Variants in TMCO6 observed in about 807,000 individuals in gnomAD.
TMCO6 encodes the protein transmembrane and coiled-coil domains 6.
Under a neutral mutation model 61.8 loss-of-function variants are expected in TMCO6, and 47 were observed. The observed-to-expected ratio is 0.76, with a 90% CI of 0.60 to 0.97. TMCO6 has a LOEUF of 0.97. Ranked by LOEUF, TMCO6 falls within the 50% of genes least tolerant of loss-of-function variation. TMCO6 has a pLI of 0.00. For missense variants in TMCO6, 557 were observed against 601.6 expected (o/e 0.93, Z 0.78); for synonymous variants, 261 against 254.2 (o/e 1.03, Z -0.25).
chr5:140,644,934 A>G (rs1157594858), intron 11 of TMCO6, 51 bp from the exon 12 acceptor site: 2 of 1,583,864 alleles, frequency 1.3e-6, no homozygotes, highest in Non-Finnish European at 1.7e-6. Context: ...GTGGGAATTG[A>G]GTCTTAGGAC....
chr5:140,632,622 A>G, the TMCO6 span: 2 of 1,613,918 alleles, frequency 1.2e-6, no homozygotes, highest in Admixed American at 3.3e-5. The surrounding 1 kb of genome is among the most constrained non-coding windows in gnomAD (Gnocchi z 6.2). Flanking sequence ...CTCGAGCGTC[A>G]GTTCCTTGAG....
At chr5:140,599,895 A>G in the TMCO6 span, among the ~76,000 whole-genome samples, 1 of 151,924 alleles carries the variant, frequency 6.6e-6, no homozygotes, top group African/African-American at 2.4e-5. Flanking sequence ...GTGACAGAGC[A>G]AGGCTCCATC....
chr5:140,620,592 T>C, the TMCO6 span, among the ~76,000 whole-genome samples: 1 of 151,908 alleles, frequency 6.6e-6, no homozygotes, highest in Non-Finnish European at 1.5e-5. Context: ...CTGGTGGGGG[T>C]TGTCGATAAT....
intron 4 of TMCO6, 91 bp from the exon 5 acceptor site, chr5:140,642,224 C>T (rs945371828): frequency 5.0e-6 from 7 of 1,398,424 alleles, no homozygotes; most frequent in Non-Finnish European, 6.9e-6. Flanking sequence ...GATAGCTGCT[C>T]CAGCGTCCCC....
the TMCO6 span, among the ~76,000 whole-genome samples, chr5:140,611,407 G>A: frequency 3.3e-5 from 5 of 152,328 alleles, no homozygotes; most frequent in East Asian, 9.6e-4. Flanking sequence ...TTGTATGAGT[G>A]TGAAGTTTGG....
chr5:140,646,868 C>T (rs185838187), downstream of TMCO6, among the ~76,000 whole-genome samples: 42 of 152,238 alleles, frequency 2.8e-4, no homozygotes, highest in African/African-American at 8.7e-4. Context: ...ATGAGTTAGG[C>T]AGGGAAGCAC....
At chr5:140,631,860 G>A in the TMCO6 span, 9 of 1,550,266 alleles carry the variant, frequency 5.8e-6, no homozygotes, top group African/African-American at 8.2e-5. Context: ...TGGATCTTAG[G>A]CAAAGCCCCG....
chr5:140,643,201 CTCTTT>C (rs1410700931), intron 7 of TMCO6, among the ~76,000 whole-genome samples, 160 bp downstream of exon 7: 3 of 152,210 alleles, frequency 2.0e-5, no homozygotes, highest in Non-Finnish European at 1.5e-5. Context: ...TTAGCTGTTT[CTCTTT>C]TTTTTTGAGA....
At chr5:140,626,151 C>G in the TMCO6 span, among the ~76,000 whole-genome samples, 1 of 152,104 alleles carries the variant, frequency 6.6e-6, no homozygotes, top group East Asian at 1.9e-4. Context: ...CCAAACCTGT[C>G]CCCTAAGCTC....
chr5:140,596,791 T>G, the TMCO6 span, among the ~76,000 whole-genome samples: 1 of 151,906 alleles, frequency 6.6e-6, no homozygotes, highest in African/African-American at 2.4e-5. Flanking sequence ...GCAAGTGGAG[T>G]ATGTACAAAC....
At chr5:140,617,801 C>T in the TMCO6 span, among the ~76,000 whole-genome samples, 416 of 151,876 alleles carry the variant, frequency 2.7e-3, 1 homozygote, top group Middle Eastern at 0.014. Flanking sequence ...AATGAGATAC[C>T]TCCTCACACT....
At chr5:140,631,833 C>A in the TMCO6 span, 29 of 1,520,532 alleles carry the variant, frequency 1.9e-5, no homozygotes, top group Middle Eastern at 3.9e-3. Flanking sequence ...AGTTTGAGTC[C>A]ATTCATTATT....
chr5:140,639,772 T>C lies in TMCO6; in HGVS notation c.119T>C (p.Val40Ala), dbSNP rs1581457173. 6.2e-7 allele frequency: 1 copy of C among 1,606,052 alleles called. No individual in the cohort carries two copies. The highest frequency in any genetic ancestry group is 1.1e-5 in the South Asian group (1 of 89,074). The change falls in exon 2 of 12, where the codon GTC becomes GCC. Residue 40 changes from valine (V) to alanine (A), a missense_variant. Physicochemically the swap from Val to Ala is moderately conservative, Grantham distance 64. Coordinates refer to ENST00000394671, the MANE Select transcript of TMCO6 (RefSeq NM_018502.5). Reference sequence around the variant, plus strand: ...AAGGCGCGGAGGGAGCAGCAGCTGGTCAGCAAGAGGCTGCTGAGAAACGAC... The same window carrying C: ...AAGGCGCGGAGGGAGCAGCAGCTGGCCAGCAAGAGGCTGCTGAGAAACGAC... ...LRKARREQQL[V>A]SKRLLRNDAP...
the TMCO6 span, among the ~76,000 whole-genome samples, chr5:140,614,388 A>G: frequency 3.3e-5 from 5 of 151,834 alleles, no homozygotes; most frequent in Non-Finnish European, 5.9e-5. Flanking sequence ...CATGCCTGTA[A>G]TCCCAGCTAC....
chr5:140,607,401 C>T, the TMCO6 span, among the ~76,000 whole-genome samples: 1 of 152,102 alleles, frequency 6.6e-6, no homozygotes, highest in East Asian at 1.9e-4. Flanking sequence ...AATAATATTC[C>T]GTTGTCTGTG....
At chr5:140,643,527 CTA>C in intron 7 of TMCO6, 35 bp from the exon 8 acceptor site, 1 of 1,577,906 alleles carries the variant, frequency 6.3e-7, no homozygotes, top group Non-Finnish European at 8.7e-7. Context: ...GTGGAATTGA[CTA>C]TATACCTAGG....
chr5:140,632,817 T>C, the TMCO6 span: 1 of 1,613,964 alleles, frequency 6.2e-7, no homozygotes, highest in Admixed American at 1.7e-5. The surrounding 1 kb of genome is among the most constrained non-coding windows in gnomAD (Gnocchi z 6.2). Flanking sequence ...GATCTCCACC[T>C]CTACTGCAGA....
Position 140,645,163 on chromosome 5 carries a change from C to A in TMCO6, c.*65C>A. 1 of 1,526,498 alleles carries A rather than the reference C, an allele frequency of 6.6e-7. No individual in the cohort carries two copies. Among genetic ancestry groups the A allele is most frequent in the Non-Finnish European group, 9.1e-7 (1 of 1,104,176 alleles). 94.6% of individuals were successfully genotyped at this position (1,526,498 alleles called of 1,614,324 possible). The stretch of plus-strand genomic sequence containing the variant: ...ATCAAGCTTGTTTGTCCAGTAGAGC[C>A]TTTGGAGATTTAGGACCATAATGAG... On this transcript the variant is annotated 3_prime_UTR_variant, in exon 12 of 12. Coordinates refer to ENST00000394671, the MANE Select transcript of TMCO6 (RefSeq NM_018502.5).
chr5:140,642,587 C>T lies in TMCO6; in HGVS notation c.605C>T (p.Ser202Phe). ...IVPALAACIQ[S>F]PHVAVLEALG... ...GATCCTTACCCTGTCTACTTCCAGT[C>T]CCCCCATGTGGCTGTGCTGGAAGCT... Residue 202 changes from serine (S) to phenylalanine (F), a missense_variant and splice_region_variant, in exon 6 of 12, where the codon TCC becomes TTC. Transcript: ENST00000394671. 1.2e-6 allele frequency: 2 copies of T among 1,614,044 alleles called. No individual in the cohort carries two copies. The highest frequency in any genetic ancestry group is 1.7e-6 in the Non-Finnish European group (2 of 1,179,908).
Sources: gnomAD v4.1 joint callset for allele counts (sites outside exome capture counted in the v4.1 genomes callset) on GRCh38, gnomAD v4.1.1 for gene constraint, Gnocchi (gnomAD v3.1) non-coding constraint, MANE v1.5 for transcripts, NCBI Gene and HGNC (gene_info 2026-07-23, HGNC 2026-07-21) for gene names.